ANKRD31: variants seen among roughly 807,000 people sequenced by gnomAD.
ANKRD31 encodes ankyrin repeat domain-containing protein 31.
ANKRD31 carries 147 observed loss-of-function variants against 186.0 expected under a neutral mutation model. That is an observed-to-expected ratio of 0.79 (90% CI 0.69 to 0.91). ANKRD31 has a LOEUF of 0.91. ANKRD31 is among the 40% of genes least tolerant of loss of function. The pLI is 0.00. For synonymous variants in ANKRD31, 673 were observed against 736.4 expected (o/e 0.91, Z 1.39); for missense variants, 1,986 against 2,148.8 (o/e 0.92, Z 1.50).
intron 14 of ANKRD31, among the ~76,000 whole-genome samples, chr5:75,144,945 T>G (rs1751327036): frequency 6.6e-6 from 1 of 151,612 alleles, no homozygotes; most frequent in African/African-American, 2.4e-5. Flanking sequence ...GAACAGACAC[T>G]TCTCAAAAGA....
chr5:75,120,330 G>A (rs753601255), intron 17 of ANKRD31, among the ~76,000 whole-genome samples: 1 of 152,104 alleles, frequency 6.6e-6, no homozygotes, highest in Non-Finnish European at 1.5e-5. Flanking sequence ...GGGAGGTCAA[G>A]GCTTCAGTGA....
At chr5:75,178,175 A>T (rs914034440) in intron 10 of ANKRD31, among the ~76,000 whole-genome samples, 6 of 152,322 alleles carry the variant, frequency 3.9e-5, no homozygotes, top group African/African-American at 1.4e-4. Context: ...ATTCAACAAG[A>T]AGAGCTAACT....
At chr5:75,205,500 C>T (rs893095467) in intron 5 of ANKRD31, among the ~76,000 whole-genome samples, 5 of 149,702 alleles carry the variant, frequency 3.3e-5, no homozygotes, top group African/African-American at 1.3e-4. Context: ...TTTAAGAATC[C>T]CTGGTTTATT....
At chr5:75,187,203 T>C (rs1472218363) in intron 10 of ANKRD31, among the ~76,000 whole-genome samples, 2 of 151,444 alleles carry the variant, frequency 1.3e-5, no homozygotes. Flanking sequence ...GGTGATTCTA[T>C]TGAAAATGGA....
intron 11 of ANKRD31, among the ~76,000 whole-genome samples, chr5:75,165,009 G>C (rs1052080811): frequency 1.3e-5 from 2 of 152,116 alleles, no homozygotes. Context: ...GGATTTGACT[G>C]TTATTGTCCC....
chr5:75,202,068 A>G (rs1755856562), intron 5 of ANKRD31, among the ~76,000 whole-genome samples: 1 of 152,176 alleles, frequency 6.6e-6, no homozygotes, highest in Non-Finnish European at 1.5e-5. Flanking sequence ...AATGTACTTC[A>G]TCTTACACAT....
intron 17 of ANKRD31, among the ~76,000 whole-genome samples, chr5:75,127,887 A>G (rs1364881005): frequency 6.6e-6 from 1 of 152,186 alleles, no homozygotes; most frequent in East Asian, 1.9e-4. Context: ...ATTATTTAAT[A>G]TTTTGATATA....
Position 75,137,902 on chromosome 5 carries a change from T to C in ANKRD31, c.3830A>G (p.Asp1277Gly), listed in dbSNP as rs1580411785. 1 of 1,533,870 alleles carries C rather than the reference T, an allele frequency of 6.5e-7. No individual in the cohort carries two copies. The highest frequency in any genetic ancestry group is 2.5e-5 in the East Asian group (1 of 40,754). Reference protein sequence around the residue: ...AGAKVNCENIDGILPLHDAVA... With the variant: ...AGAKVNCENIGGILPLHDAVA... ...AGCATCATGTAAGGGCAGAATTCCA[T>C]CTATATTTTCACAATTAACCTTAGC... Residue 1277 changes from aspartate (D) to glycine (G), a missense_variant, in exon 17 of 26, where the codon GAT becomes GGT. By Grantham distance (94) the Asp-to-Gly change is moderately conservative. Transcript: ENST00000506364.
At chr5:75,189,079 C>T (rs1225148784) in intron 9 of ANKRD31, among the ~76,000 whole-genome samples, 1 of 152,036 alleles carries the variant, frequency 6.6e-6, no homozygotes, top group Admixed American at 6.6e-5. Context: ...GAGAAAATCT[C>T]AGAGGCATAT....
chr5:75,149,926 A>C (rs1277088216), intron 12 of ANKRD31, among the ~76,000 whole-genome samples: 1 of 151,934 alleles, frequency 6.6e-6, no homozygotes, highest in Non-Finnish European at 1.5e-5. Context: ...TGGAAGGAAG[A>C]ACAGGGCTTT....
chr5:75,166,618 T>A (rs960423649), intron 11 of ANKRD31, among the ~76,000 whole-genome samples: 1 of 152,122 alleles, frequency 6.6e-6, no homozygotes, highest in Non-Finnish European at 1.5e-5. Context: ...TCCCATACAC[T>A]CACAGATTAC....
At chr5:75,094,836 C>T (rs545989213) in intron 22 of ANKRD31, among the ~76,000 whole-genome samples, 1 of 151,886 alleles carries the variant, frequency 6.6e-6, no homozygotes, top group African/African-American at 2.4e-5. Flanking sequence ...AGTAAGAGGA[C>T]AGAAAAAGTA....
intron 1 of ANKRD31, among the ~76,000 whole-genome samples, chr5:75,232,047 A>C (rs1344366599): frequency 6.6e-6 from 1 of 152,194 alleles, no homozygotes; most frequent in African/African-American, 2.4e-5. Flanking sequence ...GAGTGAGTAC[A>C]GGCTCCTGCT....
intron 25 of ANKRD31, among the ~76,000 whole-genome samples, chr5:75,071,871 GGCAGTT>G (rs1427227121): frequency 6.6e-6 from 1 of 152,164 alleles, no homozygotes; most frequent in Non-Finnish European, 1.5e-5. Flanking sequence ...CCATGGCACT[GGCAGTT>G]CCTAGACGTG....
rs577823587 is a variant in ANKRD31 at position 75,179,382 on chromosome 5, G to T, written c.1564+9111C>A. On this transcript the variant is annotated intron_variant, in intron 10 of 25. Transcript: ENST00000506364. ...AGAGGGAATCCTCCCTAACTCATTTGATGAGGCCAGCATCATCCTGATGCC... is the reference window on the plus strand; with the variant it reads ...AGAGGGAATCCTCCCTAACTCATTTTATGAGGCCAGCATCATCCTGATGCC... 8.5e-5 allele frequency among the ~76,000 whole-genome samples: 13 copies of T among 152,210 alleles called. 1 individual carries two copies. In the South Asian group the frequency reaches 2.1e-3, roughly 24 times the overall value.
chr5:75,156,477 T>C (rs1451328538), intron 11 of ANKRD31, among the ~76,000 whole-genome samples: 1 of 152,222 alleles, frequency 6.6e-6, no homozygotes, highest in Non-Finnish European at 1.5e-5. Flanking sequence ...CGTGGTAGGC[T>C]GAAAATGCCC....
intron 1 of ANKRD31, among the ~76,000 whole-genome samples, chr5:75,235,621 C>T (rs1758219773): frequency 6.6e-6 from 1 of 152,186 alleles, no homozygotes; most frequent in Non-Finnish European, 1.5e-5. Flanking sequence ...CTTTATGTTG[C>T]TTTCTCTCTC....
chr5:75,196,330 C>T (rs982528208), intron 6 of ANKRD31, 130 bp from the exon 7 acceptor site: 1 of 699,134 alleles, frequency 1.4e-6, no homozygotes, highest in East Asian at 3.1e-5. Context: ...CTTTCCTTCC[C>T]TTCCATAAAT....
intron 3 of ANKRD31, among the ~76,000 whole-genome samples, chr5:75,218,989 A>G (rs768963609): frequency 3.3e-5 from 5 of 152,156 alleles, no homozygotes; most frequent in Non-Finnish European, 5.9e-5. Context: ...CTCCAAAATA[A>G]TAAGAGCCAC....
Sources: gnomAD v4.1 joint callset for allele counts (sites outside exome capture counted in the v4.1 genomes callset) on GRCh38, gnomAD v4.1.1 for gene constraint, MANE v1.5 for transcripts, NCBI Gene and HGNC (gene_info 2026-07-23, HGNC 2026-07-21) for gene names.